GRHL2: variants seen among roughly 807,000 people sequenced by gnomAD.
GRHL2 encodes grainyhead-like protein 2 homolog.
GRHL2 carries 21 observed loss-of-function variants against 83.8 expected under a neutral mutation model. That is an observed-to-expected ratio of 0.25 (90% CI 0.18 to 0.36). The LOEUF is 0.36. GRHL2 is among the 10% of genes least tolerant of loss of function. GRHL2 has a pLI of 1.00. For synonymous variants in GRHL2, 280 were observed against 278.9 expected, an observed-to-expected ratio of 1.00 and a Z score of -0.04; for missense variants, 623 against 781.8, an observed-to-expected ratio of 0.80 and a Z score of 2.42.
chr8:101,492,960 G>T lies in GRHL2; in HGVS notation c.20+171G>T, dbSNP rs550067036. The T allele has an allele frequency of 1.3e-5, 9 of 690,402 alleles. No homozygotes were observed. In the African/African-American group the frequency reaches 1.6e-4, roughly 12 times the overall value. The allele number at this position is 690,402 out of a possible 1,614,324, so 42.8% of individuals were successfully genotyped here. On this transcript the variant is annotated intron_variant, in intron 1 of 15. Transcript: ENST00000646743. ...CGCATTATGTTTCTACCCTGATTAAGGGGAGAAACCCTACAACAATGTGAA... is the reference window on the plus strand; with the variant it reads ...CGCATTATGTTTCTACCCTGATTAATGGGAGAAACCCTACAACAATGTGAA...
At chr8:101,631,573 A>G in intron 9 of GRHL2, 64 bp from the exon 10 acceptor site, 1 of 1,243,776 alleles carries the variant, frequency 8.0e-7, no homozygotes, top group Middle Eastern at 1.8e-4. Context: ...CTTATGTGTG[A>G]CATGACTTTT....
intron 4 of GRHL2, among the ~76,000 whole-genome samples, chr8:101,559,774 AT>A (rs1310623480): frequency 6.6e-6 from 1 of 152,206 alleles, no homozygotes; most frequent in African/African-American, 2.4e-5. Flanking sequence ...TGAAACCAAC[AT>A]CAGAATCTAG....
chr8:101,666,501 C>T (rs772135588), intron 15 of GRHL2, 88 bp from the exon 16 acceptor site: 78 of 773,486 alleles, frequency 1.0e-4, no homozygotes, highest in Admixed American at 4.8e-4. Context: ...AGAATGGCTA[C>T]GAGAACCCCC....
chr8:101,520,571 A>T (rs761973720), intron 1 of GRHL2, among the ~76,000 whole-genome samples: 2 of 152,084 alleles, frequency 1.3e-5, no homozygotes. Flanking sequence ...TCACAAGAGA[A>T]CATCTTGTGT....
At chr8:101,677,860 A>G in the GRHL2 span, among the ~76,000 whole-genome samples, 1 of 152,094 alleles carries the variant, frequency 6.6e-6, no homozygotes, top group Non-Finnish European at 1.5e-5. Context: ...CGTTCACTGT[A>G]GAGAACCCTG....
At chr8:101,626,588 C>A (rs1033183773) in intron 9 of GRHL2, among the ~76,000 whole-genome samples, 1 of 151,944 alleles carries the variant, frequency 6.6e-6, no homozygotes, top group Non-Finnish European at 1.5e-5. Flanking sequence ...AAATAAAAAA[C>A]AAAGACAGCC....
intron 4 of GRHL2, among the ~76,000 whole-genome samples, chr8:101,560,882 T>C (rs1484792722): frequency 2.0e-5 from 3 of 152,220 alleles, no homozygotes; most frequent in African/African-American, 4.8e-5. Flanking sequence ...GAGTTCTTTA[T>C]ATAATGTGAA....
chr8:101,599,955 CTTG>C (rs1812476384), intron 8 of GRHL2, among the ~76,000 whole-genome samples: 1 of 152,120 alleles, frequency 6.6e-6, no homozygotes. Flanking sequence ...GAAACCTAAG[CTTG>C]TTTTTTGCTT....
intron 7 of GRHL2, among the ~76,000 whole-genome samples, chr8:101,596,622 G>A (rs1037903635): frequency 6.6e-6 from 1 of 152,160 alleles, no homozygotes; most frequent in African/African-American, 2.4e-5. Flanking sequence ...GACATGGGAA[G>A]ATGCTGATGA....
chr8:101,640,007 T>G (rs2129649630), intron 12 of GRHL2, among the ~76,000 whole-genome samples: 1 of 152,362 alleles, frequency 6.6e-6, no homozygotes, highest in East Asian at 1.9e-4. Context: ...ATCATGCAGA[T>G]GTGTTGACTT....
chr8:101,596,146 T>A (rs968988986), intron 7 of GRHL2, among the ~76,000 whole-genome samples: 2 of 150,624 alleles, frequency 1.3e-5, no homozygotes, highest in Non-Finnish European at 3.0e-5. Flanking sequence ...AAAAATAAAA[T>A]AAATAAATAA....
intron 2 of GRHL2, among the ~76,000 whole-genome samples, chr8:101,545,135 T>C (rs1018727181): frequency 5.9e-5 from 9 of 152,206 alleles, no homozygotes; most frequent in African/African-American, 2.2e-4. Flanking sequence ...GTATTTTAAA[T>C]AAGGATATTG....
At chr8:101,559,684 T>C (rs1488695719) in intron 4 of GRHL2, among the ~76,000 whole-genome samples, 1 of 152,234 alleles carries the variant, frequency 6.6e-6, no homozygotes, top group Non-Finnish European at 1.5e-5. Context: ...CAGGAGCTCA[T>C]AGGACTAACT....
At chr8:101,674,057 A>G (rs1814251883), downstream of GRHL2, among the ~76,000 whole-genome samples, 1 of 152,200 alleles carries the variant, frequency 6.6e-6, no homozygotes, top group Admixed American at 6.5e-5. Flanking sequence ...CATTCAAAGC[A>G]GTGTGTAGAG....
chr8:101,643,214 G>A (rs1813436927), intron 12 of GRHL2, among the ~76,000 whole-genome samples: 1 of 151,988 alleles, frequency 6.6e-6, no homozygotes, highest in Admixed American at 6.6e-5. Flanking sequence ...TGTCTTTCGG[G>A]ATTGTGATCA....
At chr8:101,644,928 G>GC (rs993432747) in intron 13 of GRHL2, among the ~76,000 whole-genome samples, 5 of 151,316 alleles carry the variant, frequency 3.3e-5, no homozygotes, top group Middle Eastern at 3.4e-3. Flanking sequence ...GCTCACTACA[G>GC]CGTCTACCTG....
At chr8:101,579,017 C>T (rs1811988994) in intron 7 of GRHL2, among the ~76,000 whole-genome samples, 1 of 152,150 alleles carries the variant, frequency 6.6e-6, no homozygotes, top group Admixed American at 6.5e-5. Flanking sequence ...TCTCACTGGC[C>T]CATATCACAT....
rs1814067234 is a variant in GRHL2, at chr8:101,666,682, G to C, written c.1857G>C (p.Lys619Asn). ...TGGAGAGCATGGTGGAGGGCTTCAA[G>C]GTCACGCTCATGGAAATCTAGCCCT... Reference protein sequence around the residue: ...LNMESMVEGFKVTLMEI With the variant: ...LNMESMVEGFNVTLMEI The change falls in exon 16 of 16, where the codon AAG (lysine) becomes AAC (asparagine). Residue 619 changes from lysine (K) to asparagine (N), a missense_variant. Physicochemically the swap from Lys to Asn is moderately conservative, Grantham distance 94. This residue lies in a region of GRHL2 where 210 missense variants were observed against 254.8 expected (regional missense o/e 0.82). Transcript: ENST00000646743. 1 of 1,611,786 alleles carries C rather than the reference G, an allele frequency of 6.2e-7. No individual in the cohort carries two copies. The highest frequency in any genetic ancestry group is 1.1e-5 in the South Asian group (1 of 91,036).
intron 11 of GRHL2, among the ~76,000 whole-genome samples, chr8:101,633,756 G>T (rs762668980): frequency 1.3e-5 from 2 of 151,926 alleles, no homozygotes; most frequent in Non-Finnish European, 2.9e-5. Flanking sequence ...CAAGACCATG[G>T]TGATGATTTG....
Sources: allele counts gnomAD v4.1 joint callset (sites outside exome capture counted in the v4.1 genomes callset), GRCh38; gene constraint gnomAD v4.1.1; regional missense constraint gnomAD v4.1.1; transcripts MANE v1.5; gene names NCBI Gene and HGNC (gene_info 2026-07-23, HGNC 2026-07-21).